The following DLG2 variants were observed in gnomAD, a reference collection of about 807,000 sequenced individuals.
The protein encoded by DLG2 is disks large homolog 2.
A neutral mutation model predicts 132.5 loss-of-function variants in DLG2; 45 were observed. That is an observed-to-expected ratio of 0.34 (90% CI 0.27 to 0.44). The LOEUF (loss-of-function observed/expected upper bound fraction) is 0.44, where lower values mean the gene tolerates loss of function less well. Ranked by LOEUF, DLG2 falls within the 20% of genes least tolerant of loss-of-function variation. DLG2 has a pLI of 1.00. For missense variants in DLG2, 1,045 were observed against 1,196.9 expected (o/e 0.87, Z 1.87); for synonymous variants, 424 against 419.6 (o/e 1.01, Z -0.13).
intron 6 of DLG2, among the ~76,000 whole-genome samples, chr11:85,085,367 C>T (rs535013123): frequency 6.6e-6 from 1 of 152,186 alleles, no homozygotes; most frequent in Admixed American, 6.5e-5. Flanking sequence ...ATGCTAGAAA[C>T]TGCTCTTTAC....
chr11:84,389,768 C>T (rs532398306), intron 7 of DLG2, among the ~76,000 whole-genome samples: 57 of 152,240 alleles, frequency 3.7e-4, no homozygotes, highest in African/African-American at 1.3e-3. Context: ...AAATAAAATT[C>T]TATTTCATAA....
intron 16 of DLG2, among the ~76,000 whole-genome samples, chr11:83,842,111 T>C (rs951058023): frequency 5.9e-5 from 9 of 152,190 alleles, no homozygotes; most frequent in African/African-American, 1.7e-4. Context: ...TATAAAACCT[T>C]TGGATGCTGA....
At chr11:85,545,105 A>G (rs1467369802) in intron 3 of DLG2, among the ~76,000 whole-genome samples, 1 of 152,222 alleles carries the variant, frequency 6.6e-6, no homozygotes, top group African/African-American at 2.4e-5. Context: ...TTGCCCATTC[A>G]GTATGATATT....
chr11:85,386,328 A>G (rs2086318360), intron 3 of DLG2, among the ~76,000 whole-genome samples: 1 of 152,194 alleles, frequency 6.6e-6, no homozygotes, highest in Admixed American at 6.5e-5. Context: ...GAGAAAACTG[A>G]TGTTTGGTAA....
intron 7 of DLG2, among the ~76,000 whole-genome samples, chr11:84,478,062 A>C (rs2099126601): frequency 6.6e-6 from 1 of 152,170 alleles, no homozygotes; most frequent in African/African-American, 2.4e-5. Flanking sequence ...ATGCAAAGAT[A>C]AGACAAGAGC....
At chr11:85,055,815 T>G (rs961367117) in intron 6 of DLG2, among the ~76,000 whole-genome samples, 1 of 151,996 alleles carries the variant, frequency 6.6e-6, no homozygotes. Context: ...AATAAGGAAT[T>G]AACTTGGTAA....
At chr11:84,918,113 C>T (rs1230573144) in intron 6 of DLG2, among the ~76,000 whole-genome samples, 1 of 152,148 alleles carries the variant, frequency 6.6e-6, no homozygotes. Context: ...CTGGAAGTTT[C>T]CCTTTCAATT....
At chr11:83,909,741 C>T (rs942488651) in intron 15 of DLG2, among the ~76,000 whole-genome samples, 4 of 152,112 alleles carry the variant, frequency 2.6e-5, no homozygotes, top group African/African-American at 9.7e-5. Flanking sequence ...TATGCTTCAT[C>T]AAATGATTAC....
intron 6 of DLG2, among the ~76,000 whole-genome samples, chr11:84,657,039 A>C (rs2099689143): frequency 6.6e-6 from 1 of 152,156 alleles, no homozygotes; most frequent in African/African-American, 2.4e-5. Flanking sequence ...CCCATTTACC[A>C]TATGACAAAA....
Position 84,363,926 on chromosome 11 carries a change from T to A in DLG2, c.520-112635A>T, listed in dbSNP as rs535890983. Among the ~76,000 whole-genome samples the A allele has an allele frequency of 1.4e-4, 22 of 152,262 alleles. No homozygotes were observed. In the East Asian group the frequency reaches 4.1e-3, roughly 28 times the overall value. On this transcript the variant is annotated intron_variant, in intron 7 of 27. Transcript: ENST00000376104. ...TGGTTACTGTAGCCTTGTAGTATAG[T>A]TTGAAGTCAGGTAGCATGATGCCTC... is the stretch of plus-strand genomic sequence containing the variant.
chr11:84,051,462 A>T (rs2096377974), intron 11 of DLG2, among the ~76,000 whole-genome samples: 1 of 151,942 alleles, frequency 6.6e-6, no homozygotes, highest in South Asian at 2.1e-4. Flanking sequence ...TGATGAGTTC[A>T]TGTCCTTTGT....
Position 85,301,536 on chromosome 11 carries a change from G to C in DLG2, c.41-16171C>G, listed in dbSNP as rs144692160. Among the ~76,000 whole-genome samples the C allele has an allele frequency of 3.3e-5, 5 of 152,210 alleles. No individual in the cohort carries two copies. The East Asian group carries it at 7.7e-4, about 24-fold the overall frequency. On this transcript the variant is annotated intron_variant, in intron 3 of 27. Transcript: ENST00000376104. The stretch of plus-strand genomic sequence containing the variant: ...AAAAGAAAAGGAGTCTGTGAGTCTC[G>C]ATTATGCAGGGCTAGAACTGTGAGG...
chr11:83,866,519 T>C (rs935381668), intron 16 of DLG2, among the ~76,000 whole-genome samples: 15 of 152,136 alleles, frequency 9.9e-5, no homozygotes, highest in African/African-American at 3.6e-4. Flanking sequence ...ATTATTAGCA[T>C]TAATAACTGT....
Position 84,350,972 on chromosome 11 carries a change from G to C in DLG2, c.520-99681C>G, listed in dbSNP as rs993179716. Among the ~76,000 whole-genome samples, 4 of 152,050 alleles carry C rather than the reference G, an allele frequency of 2.6e-5. No homozygotes were observed. In the East Asian group the frequency reaches 7.7e-4, roughly 29 times the overall value. ...TCAATGTAAAAAAATGCTTTTTAGAGAGTCATGGTTTGGCATCAGCCTATC... is the reference window on the plus strand; with the variant it reads ...TCAATGTAAAAAAATGCTTTTTAGACAGTCATGGTTTGGCATCAGCCTATC... On this transcript the variant is annotated intron_variant, in intron 7 of 27. Coordinates refer to ENST00000376104, the MANE Select transcript of DLG2 (RefSeq NM_001142699.3).
intron 6 of DLG2, among the ~76,000 whole-genome samples, chr11:84,587,408 C>G (rs911406954): frequency 1.3e-5 from 2 of 152,116 alleles, no homozygotes; most frequent in African/African-American, 4.8e-5. Context: ...CCCATGACCC[C>G]TGAGCCAAAA....
chr11:83,828,629 C>T (rs975710011), intron 17 of DLG2, among the ~76,000 whole-genome samples: 40 of 152,110 alleles, frequency 2.6e-4, no homozygotes, highest in East Asian at 7.7e-4. Flanking sequence ...CAGTGTTCTA[C>T]GAAACACACT....
intron 4 of DLG2, among the ~76,000 whole-genome samples, chr11:85,270,428 T>C (rs894705738): frequency 3.9e-5 from 6 of 152,186 alleles, no homozygotes; most frequent in African/African-American, 1.4e-4. Context: ...CAGTGTCTGG[T>C]ACATCTTTAT....
intron 6 of DLG2, among the ~76,000 whole-genome samples, chr11:84,911,543 T>A (rs962406041): frequency 1.8e-4 from 27 of 152,068 alleles, no homozygotes; most frequent in African/African-American, 6.5e-4. Flanking sequence ...CTTTTTTACA[T>A]GCTCCAATAC....
chr11:84,215,472 C>A (rs1330589902), intron 8 of DLG2, among the ~76,000 whole-genome samples: 1 of 152,166 alleles, frequency 6.6e-6, no homozygotes, highest in South Asian at 2.1e-4. Context: ...ACAAGTTGAG[C>A]AGTTTCCAGG....
Sources: gnomAD v4.1 joint callset for allele counts (sites outside exome capture counted in the v4.1 genomes callset) on GRCh38, gnomAD v4.1.1 for gene constraint, MANE v1.5 for transcripts, NCBI Gene and HGNC (gene_info 2026-07-23, HGNC 2026-07-21) for gene names.